Variants in MLLT10 observed in about 807,000 individuals in gnomAD.
MLLT10 encodes MLLT10 histone lysine methyltransferase DOT1L cofactor.
A neutral mutation model predicts 129.1 loss-of-function variants in MLLT10; 30 were observed. That is an observed-to-expected ratio of 0.23 (90% CI 0.17 to 0.32). The LOEUF is 0.32. MLLT10 is among the 10% of genes least tolerant of loss of function. The pLI is 1.00. For synonymous variants in MLLT10, 490 were observed against 446.4 expected (o/e 1.10, Z -1.23); for missense variants, 1,119 against 1,268.3 (o/e 0.88, Z 1.79).
chr10:21,546,714 C>T (rs2036138478), intron 3 of MLLT10, among the ~76,000 whole-genome samples: 1 of 151,608 alleles, frequency 6.6e-6, no homozygotes. Context: ...CTTGCAGGTG[C>T]CCGCCACTGT....
chr10:21,646,710 AC>A (rs2048512620), intron 8 of MLLT10, among the ~76,000 whole-genome samples: 1 of 152,120 alleles, frequency 6.6e-6, no homozygotes. Context: ...GGCTGTCTTG[AC>A]CTAACAAGCA....
intron 13 of MLLT10, among the ~76,000 whole-genome samples, chr10:21,706,689 T>G (rs2055541636): frequency 6.6e-6 from 1 of 152,226 alleles, no homozygotes; most frequent in Admixed American, 6.5e-5. Context: ...GAACTCAGGT[T>G]GATGAGCATT....
chr10:21,703,348 AT>A (rs995101077), intron 13 of MLLT10, among the ~76,000 whole-genome samples: 1 of 151,288 alleles, frequency 6.6e-6, no homozygotes, highest in Non-Finnish European at 1.5e-5. Flanking sequence ...TGACTGTAAG[AT>A]TTCTGCTGAG....
intron 13 of MLLT10, among the ~76,000 whole-genome samples, chr10:21,691,398 G>T (rs1222945361): frequency 6.6e-6 from 1 of 152,120 alleles, no homozygotes; most frequent in Non-Finnish European, 1.5e-5. Context: ...CTGGATATAT[G>T]TATGTGCCCA....
chr10:21,538,072 C>T (rs2034387034), intron 2 of MLLT10, among the ~76,000 whole-genome samples: 2 of 151,548 alleles, frequency 1.3e-5, no homozygotes, highest in Non-Finnish European at 2.9e-5. Context: ...GTGATTATGG[C>T]TCACTGCAGC....
At chr10:21,550,356 C>T (rs190317381) in intron 3 of MLLT10, among the ~76,000 whole-genome samples, 2 of 152,268 alleles carry the variant, frequency 1.3e-5, no homozygotes, top group East Asian at 3.9e-4. Context: ...TTTCTAGAGT[C>T]TCTTCCTGTT....
chr10:21,621,241 C>T (rs1235033521), intron 8 of MLLT10, among the ~76,000 whole-genome samples: 4 of 146,014 alleles, frequency 2.7e-5, no homozygotes, highest in Non-Finnish European at 6.0e-5. Flanking sequence ...TGATCCGCCC[C>T]CCGCTCCCCT....
intron 12 of MLLT10, 105 bp downstream of exon 12, chr10:21,681,481 T>C: frequency 2.7e-6 from 2 of 749,028 alleles, no homozygotes; most frequent in South Asian, 1.8e-5. Flanking sequence ...TATTCCAAAA[T>C]GCAAGTTTTT....
intron 3 of MLLT10, among the ~76,000 whole-genome samples, chr10:21,572,903 G>A (rs923098011): frequency 7.9e-5 from 12 of 152,006 alleles, no homozygotes; most frequent in African/African-American, 2.7e-4. Flanking sequence ...GAGTCACCAC[G>A]CCTGGCCTAA....
At chr10:21,625,913 T>C in intron 8 of MLLT10, 1 of 785,832 alleles carries the variant, frequency 1.3e-6, no homozygotes, top group Non-Finnish European at 2.4e-6. Flanking sequence ...CTCATCCTCA[T>C]ATACATCTCT....
intron 13 of MLLT10, chr10:21,688,658 T>A (rs531024040): frequency 1.4e-6 from 1 of 691,432 alleles, no homozygotes; most frequent in South Asian, 2.3e-5. Context: ...AAAAAAATGA[T>A]GCCTGAAAGG....
chr10:21,730,172 T>C (rs948140556), intron 16 of MLLT10, among the ~76,000 whole-genome samples: 4 of 152,028 alleles, frequency 2.6e-5, no homozygotes, highest in African/African-American at 9.7e-5. Context: ...TGTGCTCTTG[T>C]GGTCCCAGCT....
chr10:21,616,009 A>G (rs904144334), intron 7 of MLLT10, among the ~76,000 whole-genome samples: 1 of 151,944 alleles, frequency 6.6e-6, no homozygotes, highest in Non-Finnish European at 1.5e-5. Flanking sequence ...GAATGGGGCT[A>G]TTTCTTTTGA....
intron 5 of MLLT10, among the ~76,000 whole-genome samples, chr10:21,599,951 A>T (rs2043364446): frequency 6.6e-6 from 1 of 152,236 alleles, no homozygotes; most frequent in Non-Finnish European, 1.5e-5. Context: ...ATTTAGATAT[A>T]AACATTTCAT....
intron 13 of MLLT10, among the ~76,000 whole-genome samples, chr10:21,695,342 A>T (rs1053547670): frequency 3.9e-5 from 6 of 152,106 alleles, no homozygotes; most frequent in African/African-American, 1.4e-4. Context: ...ATCCTTCTAG[A>T]TAACCCCAGA....
chr10:21,596,051 T>A (rs1016987959), intron 5 of MLLT10, among the ~76,000 whole-genome samples: 4 of 152,066 alleles, frequency 2.6e-5, no homozygotes, highest in Non-Finnish European at 4.4e-5. Flanking sequence ...AGGTACACAT[T>A]CCATCCGTGG....
chr10:21,555,473 T>C (rs542152725), intron 3 of MLLT10, among the ~76,000 whole-genome samples: 19 of 152,158 alleles, frequency 1.2e-4, no homozygotes, highest in Non-Finnish European at 2.5e-4. Context: ...TCCACCCTCC[T>C]CCACCTCCCA....
chr10:21,542,542 C>G (rs2035360980), intron 3 of MLLT10, among the ~76,000 whole-genome samples: 1 of 152,194 alleles, frequency 6.6e-6, no homozygotes. Context: ...TGCACTCCAT[C>G]TTGGGCAATG....
At chr10:21,693,973 T>G (rs2054126979) in intron 13 of MLLT10, among the ~76,000 whole-genome samples, 1 of 152,210 alleles carries the variant, frequency 6.6e-6, no homozygotes, top group African/African-American at 2.4e-5. Flanking sequence ...TTAAAATGAA[T>G]GTAGTTTGGT....
Sources: allele counts gnomAD v4.1 joint callset (sites outside exome capture counted in the v4.1 genomes callset), GRCh38; gene constraint gnomAD v4.1.1; transcripts MANE v1.5; gene names NCBI Gene and HGNC (gene_info 2026-07-23, HGNC 2026-07-21).